The following REV3L variants were observed in gnomAD, a reference collection of about 807,000 sequenced individuals.
REV3L encodes DNA polymerase zeta catalytic subunit.
Under a neutral mutation model 299.4 loss-of-function variants are expected in REV3L, and 69 were observed. The ratio of observed to expected loss-of-function variants is 0.23; its 90% CI spans 0.19 to 0.28. The LOEUF (loss-of-function observed/expected upper bound fraction) is 0.28. REV3L is among the 10% of genes least tolerant of loss of function. The pLI is 1.00. For missense variants in REV3L, 3,128 were observed against 3,693.8 expected, an observed-to-expected ratio of 0.85 and a Z score of 3.97; for synonymous variants, 1,238 against 1,271.4, an observed-to-expected ratio of 0.97 and a Z score of 0.56.
chr6:111,317,772 G>A (rs1231383486), intron 26 of REV3L, among the ~76,000 whole-genome samples: 1 of 152,034 alleles, frequency 6.6e-6, no homozygotes, highest in Non-Finnish European at 1.5e-5. Flanking sequence ...GAGATGGCCT[G>A]GGCAATATAG....
Position 111,322,697 on chromosome 6 carries a change from T to G in REV3L, c.8242-19A>C, listed in dbSNP as rs550090695. The G allele has an allele frequency of 2.2e-4, 342 of 1,580,900 alleles. 8 individuals carry two copies. In the South Asian group the frequency reaches 3.3e-3, roughly 15 times the overall value. On this transcript the variant is annotated intron_variant, in intron 25 of 31. Transcript: ENST00000368802. ...CGCCAACCTGTTGGTACAAACACATTGGAAATAATTTCTTAACATAGCTCA... is the reference window on the plus strand; with the variant it reads ...CGCCAACCTGTTGGTACAAACACATGGGAAATAATTTCTTAACATAGCTCA...
At chr6:111,480,951 T>C (rs1178527719) in intron 1 of REV3L, among the ~76,000 whole-genome samples, 1 of 151,648 alleles carries the variant, frequency 6.6e-6, no homozygotes, top group Admixed American at 6.6e-5. Flanking sequence ...CAACAGTATA[T>C]AATATTCTTT....
chr6:111,434,434 G>A (rs1318878976), intron 1 of REV3L, among the ~76,000 whole-genome samples: 1 of 151,896 alleles, frequency 6.6e-6, no homozygotes, highest in African/African-American at 2.4e-5. Context: ...CTAACATGGT[G>A]AAACCACGTC....
chr6:111,430,739 T>A, intron 1 of REV3L: 2 of 1,566,564 alleles, frequency 1.3e-6, no homozygotes, highest in Non-Finnish European at 1.8e-6. Context: ...TGAAGATAAG[T>A]TTAAAAGCAA....
At chr6:111,325,602 C>T (rs1003320767) in intron 25 of REV3L, among the ~76,000 whole-genome samples, 1 of 152,204 alleles carries the variant, frequency 6.6e-6, no homozygotes, top group African/African-American at 2.4e-5. Context: ...CAGGAGACCA[C>T]AGTCAGTAAT....
chr6:111,416,542 T>C, intron 1 of REV3L, 70 bp from the exon 2 acceptor site: 1 of 1,270,514 alleles, frequency 7.9e-7, no homozygotes, highest in Non-Finnish European at 1.1e-6. Flanking sequence ...AGAATGAAAC[T>C]CATTTAAATG....
intron 1 of REV3L, among the ~76,000 whole-genome samples, chr6:111,461,830 CAAGT>C: frequency 6.6e-6 from 1 of 151,470 alleles, no homozygotes; most frequent in Non-Finnish European, 1.5e-5. Flanking sequence ...TTAAAAAGTC[CAAGT>C]AATCCAAAAG....
At chr6:111,429,174 T>C (rs1198868158) in intron 1 of REV3L, among the ~76,000 whole-genome samples, 1 of 152,232 alleles carries the variant, frequency 6.6e-6, no homozygotes, top group South Asian at 2.1e-4. Context: ...TTTGTCTTTT[T>C]ATTTTTTAAA....
At chr6:111,473,741 C>T (rs1792543278) in intron 1 of REV3L, among the ~76,000 whole-genome samples, 1 of 151,990 alleles carries the variant, frequency 6.6e-6, no homozygotes, top group Non-Finnish European at 1.5e-5. Context: ...TTTCAATTAT[C>T]ATCAATGCCT....
Position 111,310,106 on chromosome 6 carries a change from G to C in REV3L, c.8796-7C>G. ...GTCATAAGTCAGCATTTTCCTATTC[G>C]AATTCAAAGAAAAAAACCACACCCA... On this transcript the variant is annotated splice_region_variant and splice_polypyrimidine_tract_variant and intron_variant, in intron 29 of 31. Transcript: ENST00000368802. 6.7e-7 allele frequency: 1 copy of C among 1,488,936 alleles called. No homozygotes were observed. Among genetic ancestry groups the C allele is most frequent in the Non-Finnish European group, 9.0e-7 (1 of 1,116,986 alleles). The allele number at this position is 1,488,936 out of a possible 1,614,324, so 92.2% of individuals were successfully genotyped here.
Position 111,351,810 on chromosome 6 carries a change from A to G in REV3L, c.7185-19T>C. The G allele has an allele frequency of 6.7e-7, 1 of 1,497,040 alleles. No homozygotes were observed. The allele number at this position is 1,497,040 out of a possible 1,614,324, so 92.7% of individuals were successfully genotyped here. On this transcript the variant is annotated intron_variant, in intron 18 of 31. Transcript: ENST00000368802. The stretch of plus-strand genomic sequence containing the variant: ...ATCATACCTAAAAAAGGAATTTAAA[A>G]AAGTTATATAAGTACCATACATTTG...
chr6:111,483,564 G>A, upstream of REV3L: 1 of 477,722 alleles, frequency 2.1e-6, no homozygotes. Flanking sequence ...TGGCGGCTAT[G>A]CAGGATTGGC....
intron 1 of REV3L, among the ~76,000 whole-genome samples, chr6:111,429,520 T>C (rs1054371160): frequency 1.5e-5 from 2 of 129,918 alleles, no homozygotes; most frequent in Non-Finnish European, 1.9e-5. Context: ...ATTTGTAGTG[T>C]ACAATCCATT....
At chr6:111,413,293 A>G (rs994182654) in intron 2 of REV3L, among the ~76,000 whole-genome samples, 2 of 152,116 alleles carry the variant, frequency 1.3e-5, no homozygotes, top group African/African-American at 4.8e-5. Flanking sequence ...CTTTGGGGGA[A>G]AAAAGTAGAA....
intron 1 of REV3L, among the ~76,000 whole-genome samples, chr6:111,436,900 G>A (rs1048318575): frequency 6.6e-6 from 1 of 152,092 alleles, no homozygotes; most frequent in Non-Finnish European, 1.5e-5. Context: ...CCAAACATAT[G>A]TACATCTACT....
chr6:111,455,835 T>C (rs975878334), intron 1 of REV3L, among the ~76,000 whole-genome samples: 2 of 152,238 alleles, frequency 1.3e-5, no homozygotes, highest in Non-Finnish European at 2.9e-5. Context: ...TTTTCTTTTA[T>C]GTATGTGTAG....
rs759741942 is a variant in REV3L, at chr6:111,381,401, T to G, written c.1140A>C (p.Glu380Asp). 6.2e-7 allele frequency: 1 copy of G among 1,613,448 alleles called. No individual in the cohort carries two copies. Among genetic ancestry groups the G allele is most frequent in the Non-Finnish European group, 8.5e-7 (1 of 1,179,680 alleles). Residue 380 changes from glutamate (E) to aspartate (D), a missense_variant, in exon 10 of 32, where the codon GAA becomes GAC. Glu to Asp is a conservative substitution (Grantham distance 45, BLOSUM62 2). Coordinates refer to ENST00000368802, the MANE Select transcript of REV3L (RefSeq NM_001372078.1). ...TATTTTCCATAAGGTTCAAAATTGC[T>G]TCTTCATTAATAAGAGCTTCTTCCA... ...HKVEEALINEEAILNLMENSQ... is the reference protein window; with the variant it reads ...HKVEEALINEDAILNLMENSQ...
chr6:111,450,657 C>T (rs1789426571), intron 1 of REV3L, among the ~76,000 whole-genome samples: 1 of 151,602 alleles, frequency 6.6e-6, no homozygotes, highest in Non-Finnish European at 1.5e-5. Context: ...TAAAATGGTA[C>T]TACAAGAGCA....
chr6:111,374,680 T>A lies in REV3L; in HGVS notation c.3675A>T (p.Thr1225=). 6.2e-7 allele frequency: 1 copy of A among 1,613,516 alleles called. No homozygotes were observed. ...NEKGTSRKHT[T]LKDEKIKSQS... is the part of the protein sequence containing the mutation. ...GAGATTTTATTTTTTCATCCTTAAGTGTTGTATGCTTTCTCGATGTACCTT... is the reference window on the plus strand; with the variant it reads ...GAGATTTTATTTTTTCATCCTTAAGAGTTGTATGCTTTCTCGATGTACCTT... The change falls in exon 13 of 32, where the codon ACA becomes ACT. Residue 1225 remains threonine, a synonymous_variant. Coordinates refer to ENST00000368802, the MANE Select transcript of REV3L (RefSeq NM_001372078.1).
Sources: gnomAD v4.1 joint callset for allele counts (sites outside exome capture counted in the v4.1 genomes callset) on GRCh38, gnomAD v4.1.1 for gene constraint, MANE v1.5 for transcripts, NCBI Gene and HGNC (gene_info 2026-07-23, HGNC 2026-07-21) for gene names.